The following MARCHF1 variants were observed in gnomAD, a reference collection of about 807,000 sequenced individuals.
MARCHF1 encodes the protein E3 ubiquitin-protein ligase MARCHF1.
In MARCHF1, 40 loss-of-function variants were observed where a neutral mutation model predicts 54.2. The ratio of observed to expected loss-of-function variants is 0.74; its 90% CI spans 0.57 to 0.96. The LOEUF (loss-of-function observed/expected upper bound fraction) is 0.96. Ranked by LOEUF, MARCHF1 falls within the 40% of genes least tolerant of loss-of-function variation. The pLI is 0.00. For missense variants in MARCHF1, 586 were observed against 656.5 expected, an observed-to-expected ratio of 0.89 and a Z score of 1.17; for synonymous variants, 236 against 236.3, an observed-to-expected ratio of 1.00 and a Z score of 0.01.
At chr4:163,663,865 A>G (rs552449758) in intron 5 of MARCHF1, among the ~76,000 whole-genome samples, 25 of 152,006 alleles carry the variant, frequency 1.6e-4, no homozygotes, top group Admixed American at 3.3e-4. Context: ...GCCTCTTACT[A>G]CTAGATTGTT....
At chr4:164,137,032 G>A (rs1756417124) in intron 1 of MARCHF1, among the ~76,000 whole-genome samples, 1 of 152,180 alleles carries the variant, frequency 6.6e-6, no homozygotes, top group Middle Eastern at 3.4e-3. Context: ...CCAAAGGATT[G>A]AAAGAAACGA....
intron 3 of MARCHF1, among the ~76,000 whole-genome samples, chr4:163,939,739 A>G (rs888267553): frequency 6.6e-6 from 1 of 152,178 alleles, no homozygotes; most frequent in African/African-American, 2.4e-5. Context: ...GCCTTTTGAC[A>G]CTGCTTTTCA....
intron 7 of MARCHF1, among the ~76,000 whole-genome samples, chr4:163,611,173 C>T (rs907435): frequency 0.92 from 139,788 of 152,192 alleles, 64,312 homozygotes; most frequent in African/African-American, 0.97. Context: ...ACAAATCTTA[C>T]TCACTATATT....
At chr4:164,301,350 C>T (rs1734556355) in intron 1 of MARCHF1, among the ~76,000 whole-genome samples, 1 of 152,124 alleles carries the variant, frequency 6.6e-6, no homozygotes, top group African/African-American at 2.4e-5. Flanking sequence ...AAATGAGGTC[C>T]TACCTATTTG....
chr4:164,333,711 A>T (rs1033623077), intron 1 of MARCHF1, among the ~76,000 whole-genome samples: 1 of 152,234 alleles, frequency 6.6e-6, no homozygotes, highest in East Asian at 1.9e-4. Flanking sequence ...TTTAAGAGAA[A>T]GGGTCACTGT....
intron 2 of MARCHF1, among the ~76,000 whole-genome samples, chr4:164,049,892 T>C (rs770171191): frequency 2.8e-4 from 42 of 152,352 alleles, no homozygotes; most frequent in Non-Finnish European, 5.6e-4. Flanking sequence ...CCTGGAACTC[T>C]TTCCTGAACT....
intron 5 of MARCHF1, among the ~76,000 whole-genome samples, chr4:163,695,197 A>G (rs543518356): frequency 1.3e-5 from 2 of 152,184 alleles, no homozygotes; most frequent in African/African-American, 4.8e-5. Context: ...CATTTTATAC[A>G]TAAGAAACAC....
intron 3 of MARCHF1, among the ~76,000 whole-genome samples, chr4:163,872,810 A>C (rs1009944348): frequency 2.6e-5 from 4 of 151,912 alleles, no homozygotes; most frequent in South Asian, 4.2e-4. Flanking sequence ...TTTGGGAGGC[A>C]GAGGCGGGCG....
At chr4:164,372,248 T>C (rs1411239287) in intron 1 of MARCHF1, among the ~76,000 whole-genome samples, 1 of 152,222 alleles carries the variant, frequency 6.6e-6, no homozygotes, top group Non-Finnish European at 1.5e-5. Flanking sequence ...CATAAATACA[T>C]GTCTCTTTGG....
chr4:163,916,918 G>A (rs1751319878), intron 3 of MARCHF1, among the ~76,000 whole-genome samples: 1 of 152,046 alleles, frequency 6.6e-6, no homozygotes. Flanking sequence ...TATGGGTTTT[G>A]ACAAATGTAT....
chr4:163,770,910 T>C (rs988868546), intron 4 of MARCHF1, among the ~76,000 whole-genome samples: 1 of 152,172 alleles, frequency 6.6e-6, no homozygotes, highest in African/African-American at 2.4e-5. Flanking sequence ...TAACAAACAG[T>C]AAGTTATTGC....
intron 1 of MARCHF1, among the ~76,000 whole-genome samples, chr4:164,348,083 G>A (rs957658980): frequency 6.6e-6 from 1 of 152,126 alleles, no homozygotes; most frequent in African/African-American, 2.4e-5. Context: ...GTGGGAGGTG[G>A]TGGCAATCTG....
chr4:164,365,235 T>C (rs1216907272), intron 1 of MARCHF1, among the ~76,000 whole-genome samples: 1 of 152,000 alleles, frequency 6.6e-6, no homozygotes, highest in African/African-American at 2.4e-5. Context: ...TGGACTCACA[T>C]AAAAAGTGAA....
chr4:163,948,337 AT>A (rs912327726), intron 3 of MARCHF1, among the ~76,000 whole-genome samples: 1 of 152,220 alleles, frequency 6.6e-6, no homozygotes, highest in Non-Finnish European at 1.5e-5. Flanking sequence ...AAAAGAACAC[AT>A]TTATTCTCAT....
At chr4:163,923,214 T>C (rs1751469354) in intron 3 of MARCHF1, among the ~76,000 whole-genome samples, 1 of 152,158 alleles carries the variant, frequency 6.6e-6, no homozygotes, top group South Asian at 2.1e-4. Flanking sequence ...CTTTCTGAAA[T>C]GACAAATACT....
chr4:163,559,242 A>G (rs1739391607), intron 8 of MARCHF1, among the ~76,000 whole-genome samples: 2 of 150,978 alleles, frequency 1.3e-5, no homozygotes, highest in African/African-American at 4.9e-5. Flanking sequence ...TCTCATTTGC[A>G]ATGTATGTCC....
rs559466945 is a variant in MARCHF1, at chr4:163,640,338, G to T, written c.163-26945C>A. On this transcript the variant is annotated intron_variant, in intron 5 of 9. Coordinates refer to ENST00000514618, the MANE Select transcript of MARCHF1 (RefSeq NM_001394959.1). The stretch of plus-strand genomic sequence containing the variant: ...ATGCCCAGTAATATGCTTCCATGAA[G>T]CCATATCCATGTGACTAGTTAAGTG... Among the ~76,000 whole-genome samples the T allele has an allele frequency of 5.9e-5, 9 of 152,224 alleles. No individual in the cohort carries two copies. In the East Asian group the frequency reaches 1.7e-3, roughly 29 times the overall value.
intron 3 of MARCHF1, among the ~76,000 whole-genome samples, chr4:163,949,432 C>T (rs977875869): frequency 2.9e-4 from 44 of 152,274 alleles, no homozygotes; most frequent in Non-Finnish European, 2.4e-4. Flanking sequence ...GGCTGCAGCT[C>T]GTCTATCCTC....
At chr4:163,638,814 T>C (rs906728555) in intron 5 of MARCHF1, among the ~76,000 whole-genome samples, 1 of 152,196 alleles carries the variant, frequency 6.6e-6, no homozygotes. Flanking sequence ...TGTATACGTA[T>C]ATCTATATTA....
Sources: gnomAD v4.1 joint callset for allele counts (sites outside exome capture counted in the v4.1 genomes callset) on GRCh38, gnomAD v4.1.1 for gene constraint, MANE v1.5 for transcripts, NCBI Gene and HGNC (gene_info 2026-07-23, HGNC 2026-07-21) for gene names.